Variants in RRAGC observed in about 807,000 individuals in gnomAD.
RRAGC encodes the protein ras-related GTP-binding protein C.
RRAGC carries 8 observed loss-of-function variants against 37.1 expected under a neutral mutation model. The ratio of observed to expected loss-of-function variants is 0.22; its 90% CI spans 0.13 to 0.39. RRAGC has a LOEUF of 0.39. Ranked by LOEUF, RRAGC falls within the 10% of genes least tolerant of loss-of-function variation. The probability of loss-of-function intolerance (pLI) is 1.00; values close to 1 mark genes in which losing one functional copy is unlikely to be tolerated. For missense variants in RRAGC, 342 were observed against 497.6 expected, an observed-to-expected ratio of 0.69 and a Z score of 2.98; for synonymous variants, 190 against 181.1, an observed-to-expected ratio of 1.05 and a Z score of -0.39.
rs1227588178 is a variant in RRAGC at position 38,859,672 on chromosome 1, C to T, written c.-26G>A. On this transcript the variant is annotated 5_prime_UTR_variant, in exon 1 of 7. Coordinates refer to ENST00000373001, the MANE Select transcript of RRAGC (RefSeq NM_022157.4). The stretch of plus-strand genomic sequence containing the variant: ...GGTGCTGGAGCCGCCGCCGCCCGCG[C>T]CCTGACAGGCCAGGCCAGGCCGAGC... 2.0e-6 allele frequency: 3 copies of T among 1,525,706 alleles called. No individual in the cohort carries two copies. 94.5% of individuals were successfully genotyped at this position (1,525,706 alleles called of 1,614,324 possible).
chr1:38,841,800 A>T (rs191396870), intron 6 of RRAGC, among the ~76,000 whole-genome samples: 1 of 152,260 alleles, frequency 6.6e-6, no homozygotes, highest in Non-Finnish European at 1.5e-5. Context: ...CCTGAGCAAC[A>T]CAGCAAGATT....
intron 5 of RRAGC, among the ~76,000 whole-genome samples, chr1:38,849,475 G>A (rs1642069034): frequency 6.6e-6 from 1 of 152,244 alleles, no homozygotes; most frequent in African/African-American, 2.4e-5. Context: ...GATTACCTGA[G>A]GCCAGGAGTT....
At chr1:38,858,709 TAAAC>T (rs1488260169) in intron 1 of RRAGC, among the ~76,000 whole-genome samples, 2 of 152,276 alleles carry the variant, frequency 1.3e-5, no homozygotes, top group East Asian at 1.9e-4. Flanking sequence ...CTCAAAAACA[TAAAC>T]AAACAAACGT....
chr1:38,844,025 A>C (rs765747943), intron 6 of RRAGC, among the ~76,000 whole-genome samples: 3 of 152,192 alleles, frequency 2.0e-5, no homozygotes, highest in Non-Finnish European at 4.4e-5. Context: ...GATTTGGTGA[A>C]AATTCAATAT....
At chr1:38,840,011 G>A (rs1479241645) in intron 6 of RRAGC, among the ~76,000 whole-genome samples, 1 of 152,060 alleles carries the variant, frequency 6.6e-6, no homozygotes, top group African/African-American at 2.4e-5. Context: ...AGCCGGGCAT[G>A]GTGGCGGGCA....
chr1:38,855,742 G>A lies in RRAGC; in HGVS notation c.607C>T (p.Leu203Phe), dbSNP rs779856285. Residue 203 changes from leucine to phenylalanine, a missense_variant, in exon 3 of 7, where the codon CTT becomes TTT. By Grantham distance (22) the Leu-to-Phe change is conservative. Around this residue, in one of 3 missense-constraint regions of RRAGC, gnomAD observed 134 missense variants for 277.2 expected, o/e 0.48. Coordinates refer to ENST00000373001, the MANE Select transcript of RRAGC (RefSeq NM_022157.4). Reference sequence around the variant, plus strand: ...AGTTTTTCTAGCCCAGCATCTGCAAGGTCATCATTGGCCCTTTGATGAATG... The same window carrying A: ...AGTTTTTCTAGCCCAGCATCTGCAAAGTCATCATTGGCCCTTTGATGAATG... ...RDIHQRANDD[L>F]ADAGLEKLHL... The A allele has an allele frequency of 6.2e-7, 1 of 1,614,032 alleles. No homozygotes were observed. Among genetic ancestry groups the A allele is most frequent in the Non-Finnish European group, 8.5e-7 (1 of 1,179,934 alleles).
At chr1:38,843,502 C>T (rs911411373) in intron 6 of RRAGC, among the ~76,000 whole-genome samples, 3 of 151,998 alleles carry the variant, frequency 2.0e-5, no homozygotes, top group African/African-American at 4.8e-5. Flanking sequence ...AGGCAGATCA[C>T]GAGGTCAGGA....
rs1428515737 is a variant in RRAGC at position 38,846,048 on chromosome 1, T to C, written c.939A>G (p.Glu313=). The C allele has an allele frequency of 1.9e-6, 3 of 1,611,260 alleles. No individual in the cohort carries two copies. The highest frequency in any genetic ancestry group is 2.2e-5 in the East Asian group (1 of 44,812). ...TATTCAGCTTGATAATTGCCATAGATTCTTTGTCATAAGCACTTCCACTTC... is the reference window on the plus strand; with the variant it reads ...TATTCAGCTTGATAATTGCCATAGACTCTTTGTCATAAGCACTTCCACTTC... ...EDGSGSAYDK[E]SMAIIKLNNT... Residue 313 remains glutamate, a synonymous_variant, in exon 6 of 7, where the codon GAA becomes GAG. Coordinates refer to ENST00000373001, the MANE Select transcript of RRAGC (RefSeq NM_022157.4).
rs1297460348 is a variant in RRAGC, at chr1:38,856,981, C to G, written c.339G>C (p.Gln113His). ...CCATTTGCCCAGGAAAATCCCATATCTGGAAATTCACAAAGGAGCTATTGG... is the reference window on the plus strand; with the variant it reads ...CCATTTGCCCAGGAAAATCCCATATGTGGAAATTCACAAAGGAGCTATTGG... ...DISNSSFVNFQIWDFPGQMDF... is the reference protein window; with the variant it reads ...DISNSSFVNFHIWDFPGQMDF... Residue 113 changes from glutamine to histidine, a missense_variant, in exon 2 of 7, where the codon CAG becomes CAC. Gln to His is a conservative substitution (Grantham distance 24). Around this residue, in one of 3 missense-constraint regions of RRAGC, gnomAD observed 134 missense variants for 277.2 expected, o/e 0.48. Coordinates refer to ENST00000373001, the MANE Select transcript of RRAGC (RefSeq NM_022157.4). The G allele has an allele frequency of 6.2e-7, 1 of 1,614,054 alleles. No individual in the cohort carries two copies. The highest frequency in any genetic ancestry group is 1.3e-5 in the African/African-American group (1 of 75,024).
At chr1:38,852,025 C>T (rs767007972) in intron 4 of RRAGC, among the ~76,000 whole-genome samples, 1 of 152,148 alleles carries the variant, frequency 6.6e-6, no homozygotes, top group African/African-American at 2.4e-5. Context: ...TCTAAGACAT[C>T]ACAAAAAATT....
At chr1:38,849,184 G>C (rs1437589908) in intron 5 of RRAGC, among the ~76,000 whole-genome samples, 1 of 152,140 alleles carries the variant, frequency 6.6e-6, no homozygotes, top group African/African-American at 2.4e-5. Context: ...GGCTGAGGTG[G>C]GAGGATCACT....
intron 5 of RRAGC, chr1:38,847,121 A>AG (rs1293061427): frequency 6.6e-6 from 1 of 152,204 alleles, no homozygotes; most frequent in East Asian, 1.9e-4. Context: ...GGGAAAAAAA[A>AG]GAAAAAAAGG....
intron 6 of RRAGC, among the ~76,000 whole-genome samples, chr1:38,840,756 AG>A (rs1641953891): frequency 6.6e-6 from 1 of 152,254 alleles, no homozygotes; most frequent in South Asian, 2.1e-4. Context: ...GGGACATCAG[AG>A]AACTCTTGGT....
At chr1:38,853,855 A>T (rs1473979786) in intron 3 of RRAGC, among the ~76,000 whole-genome samples, 1 of 152,050 alleles carries the variant, frequency 6.6e-6, no homozygotes, top group African/African-American at 2.4e-5. Flanking sequence ...GGCCAAGATG[A>T]CCCCATAGAT....
chr1:38,843,517 G>A (rs1204708678), intron 6 of RRAGC, among the ~76,000 whole-genome samples: 1 of 151,984 alleles, frequency 6.6e-6, no homozygotes, highest in African/African-American at 2.4e-5. Flanking sequence ...TCAGGAGATT[G>A]AGACCATCCT....
chr1:38,840,583 T>A (rs1641951474), intron 6 of RRAGC, among the ~76,000 whole-genome samples: 1 of 152,136 alleles, frequency 6.6e-6, no homozygotes, highest in Non-Finnish European at 1.5e-5. Context: ...CAGGGCAAAG[T>A]AATCAACTGA....
chr1:38,841,863 G>A (rs995150350), intron 6 of RRAGC, among the ~76,000 whole-genome samples: 14 of 152,114 alleles, frequency 9.2e-5, no homozygotes, highest in Non-Finnish European at 7.3e-5. Context: ...TAGGCTGGGC[G>A]CGGTGGCTCA....
At chr1:38,841,675 A>T (rs72658059) in intron 6 of RRAGC, among the ~76,000 whole-genome samples, 3,450 of 150,828 alleles carry the variant, frequency 0.023, 89 homozygotes, top group African/African-American at 0.063. Context: ...AAAAAAAAAA[A>T]TTTTTTTAAG....
intron 6 of RRAGC, among the ~76,000 whole-genome samples, chr1:38,845,687 G>A (rs1352466403): frequency 6.6e-6 from 1 of 152,116 alleles, no homozygotes; most frequent in Admixed American, 6.5e-5. Context: ...ACTGCATTCA[G>A]TTAAACAGGT....
Sources: allele counts gnomAD v4.1 joint callset (sites outside exome capture counted in the v4.1 genomes callset), GRCh38; gene constraint gnomAD v4.1.1; regional missense constraint gnomAD v4.1.1; transcripts MANE v1.5; gene names NCBI Gene and HGNC (gene_info 2026-07-23, HGNC 2026-07-21).